Variants in ANKH observed in about 807,000 individuals in gnomAD.
ANKH encodes the protein mineralization regulator ANKH.
A neutral mutation model predicts 49.0 loss-of-function variants in ANKH; 15 were observed. The ratio of observed to expected loss-of-function variants is 0.31; its 90% CI spans 0.20 to 0.47. ANKH has a LOEUF of 0.47. Ranked by LOEUF, ANKH falls within the 20% of genes least tolerant of loss-of-function variation. The pLI is 1.00. For missense variants in ANKH, 429 were observed against 652.0 expected (o/e 0.66, Z 3.72); for synonymous variants, 273 against 260.0 (o/e 1.05, Z -0.48).
chr5:14,758,457 A>C, intron 3 of ANKH, 23 bp downstream of exon 3: 4 of 1,570,958 alleles, frequency 2.5e-6, no homozygotes, highest in Non-Finnish European at 3.5e-6. Context: ...AAAGAAAGAA[A>C]GCCAACGATC....
At chr5:14,831,867 T>A (rs182361589) in intron 1 of ANKH, among the ~76,000 whole-genome samples, 88 of 152,332 alleles carry the variant, frequency 5.8e-4, no homozygotes, top group African/African-American at 1.9e-3. Context: ...ATGAATCTTT[T>A]TCATCACCAA....
At chr5:14,716,915 C>T in intron 8 of ANKH, 80 bp from the exon 9 acceptor site, 1 of 1,573,784 alleles carries the variant, frequency 6.4e-7, no homozygotes, top group Non-Finnish European at 8.7e-7. Context: ...TGGCACAATC[C>T]TTGGAGAGTT....
intron 1 of ANKH, among the ~76,000 whole-genome samples, chr5:14,836,690 T>C (rs906838390): frequency 6.6e-6 from 1 of 152,138 alleles, no homozygotes; most frequent in African/African-American, 2.4e-5. Flanking sequence ...ATGGCCATAC[T>C]GCCCAAGGTA....
Position 14,737,173 on chromosome 5 carries a change from A to C in ANKH, c.1011+4654T>G, listed in dbSNP as rs1410046020. Reference sequence around the variant, plus strand: ...TTAGCAGCCCGATGGGCTGGCTTTCACCACTTGGCCTGGCATGCAGGAATA... The same window carrying C: ...TTAGCAGCCCGATGGGCTGGCTTTCCCCACTTGGCCTGGCATGCAGGAATA... On this transcript the variant is annotated intron_variant, in intron 8 of 11. Transcript: ENST00000284268. This position sits in a 1 kb window ranked among gnomAD's most constrained non-coding sequence, Gnocchi z 5.0. Among the ~76,000 whole-genome samples, 1 of 152,154 alleles carries C rather than the reference A, an allele frequency of 6.6e-6. No homozygotes were observed. The highest frequency in any genetic ancestry group is 6.5e-5 in the Admixed American group (1 of 15,282).
intron 1 of ANKH, among the ~76,000 whole-genome samples, chr5:14,799,535 A>C (rs567126815): frequency 4.6e-5 from 7 of 152,210 alleles, no homozygotes; most frequent in Non-Finnish European, 7.3e-5. Flanking sequence ...CAGGTGGCGA[A>C]CTTAAGCTGA....
intron 1 of ANKH, among the ~76,000 whole-genome samples, chr5:14,792,924 C>T (rs1740214688): frequency 6.9e-6 from 1 of 144,234 alleles, no homozygotes; most frequent in South Asian, 2.2e-4. Flanking sequence ...TTGCAGTGAG[C>T]CGAGATTATG....
chr5:14,775,527 G>C lies in ANKH; in HGVS notation c.97-6336C>G, dbSNP rs1422372762. Among the ~76,000 whole-genome samples, 8 of 152,264 alleles carry C rather than the reference G, an allele frequency of 5.3e-5. No homozygotes were observed. The East Asian group carries it at 1.2e-3, about 22-fold the overall frequency. The stretch of plus-strand genomic sequence containing the variant: ...TGCAGACGTGAACCCATGGATAAGG[G>C]GGCCTACTATGTGCCAATGGCTGGA... On this transcript the variant is annotated intron_variant, in intron 1 of 11. Coordinates refer to ENST00000284268, the MANE Select transcript of ANKH (RefSeq NM_054027.6).
chr5:14,797,527 C>T (rs1580076278), intron 1 of ANKH: 1 of 1,611,182 alleles, frequency 6.2e-7, no homozygotes, highest in East Asian at 2.2e-5. Flanking sequence ...TCAGCTGATC[C>T]TGTGGCAAGA....
chr5:14,830,048 T>C (rs897983766), intron 1 of ANKH, among the ~76,000 whole-genome samples: 3 of 152,198 alleles, frequency 2.0e-5, no homozygotes, highest in Admixed American at 1.3e-4. Flanking sequence ...GAGGCATGAA[T>C]TGATGTGAAG....
chr5:14,798,285 G>T, intron 1 of ANKH: 7 of 1,602,574 alleles, frequency 4.4e-6, no homozygotes, highest in Non-Finnish European at 6.0e-6. Context: ...CCACTCCAGA[G>T]CATGGGTCAT....
At chr5:14,721,415 G>A (rs1287400555) in intron 8 of ANKH, among the ~76,000 whole-genome samples, 3 of 152,190 alleles carry the variant, frequency 2.0e-5, no homozygotes, top group African/African-American at 7.2e-5. Context: ...GAAGCGGTTA[G>A]TCTGATCTGG....
At chr5:14,746,102 A>T (rs1738528264) in intron 6 of ANKH, 140 bp from the exon 7 acceptor site, 1 of 733,100 alleles carries the variant, frequency 1.4e-6, no homozygotes, top group Non-Finnish European at 2.4e-6. Context: ...ACATCAGGCA[A>T]GCACAGGACG....
rs534862480 is a variant in ANKH at position 14,706,526 on chromosome 5, G to A, written c.*4671C>T. The A allele has an allele frequency of 1.2e-4, 18 of 152,178 alleles. No homozygotes were observed. The highest frequency in any genetic ancestry group is 2.9e-4 in the African/African-American group (12 of 41,520). The allele number at this position is 152,178 out of a possible 1,614,324, so 9.4% of individuals were successfully genotyped here. On this transcript the variant is annotated 3_prime_UTR_variant, in exon 12 of 12. Coordinates refer to ENST00000284268, the MANE Select transcript of ANKH (RefSeq NM_054027.6). ...TCTAAACTTAAGGTCTTATCATCTCGTTTTTCCCTTTTGAGATCAGATAGT... is the reference window on the plus strand; with the variant it reads ...TCTAAACTTAAGGTCTTATCATCTCATTTTTCCCTTTTGAGATCAGATAGT...
intron 1 of ANKH, among the ~76,000 whole-genome samples, chr5:14,822,150 A>C (rs992576842): frequency 6.6e-6 from 1 of 152,250 alleles, no homozygotes; most frequent in African/African-American, 2.4e-5. Flanking sequence ...GCATTTGAAA[A>C]GTGCTAGTCT....
chr5:14,802,547 A>G (rs1740595399), intron 1 of ANKH, among the ~76,000 whole-genome samples: 1 of 151,880 alleles, frequency 6.6e-6, no homozygotes, highest in Non-Finnish European at 1.5e-5. Flanking sequence ...TCTCCTCCAC[A>G]GCTTCCCATC....
intron 1 of ANKH, among the ~76,000 whole-genome samples, chr5:14,781,446 A>T (rs1432671639): frequency 6.6e-6 from 1 of 152,190 alleles, no homozygotes; most frequent in African/African-American, 2.4e-5. Context: ...CCTGGAGAGG[A>T]GCTTCCATTA....
At chr5:14,825,552 T>C (rs1741315575) in intron 1 of ANKH, among the ~76,000 whole-genome samples, 1 of 152,108 alleles carries the variant, frequency 6.6e-6, no homozygotes, top group Non-Finnish European at 1.5e-5. Flanking sequence ...AGGATCTCAC[T>C]ATGTTGCCCA....
intron 8 of ANKH, among the ~76,000 whole-genome samples, chr5:14,726,587 A>C (rs114028622): frequency 0.068 from 10,333 of 151,944 alleles, 362 homozygotes; most frequent in Non-Finnish European, 0.095. Context: ...GGCGTGGCTG[A>C]CCTGTCCTCA....
chr5:14,811,412 T>C lies in ANKH; in HGVS notation c.97-42221A>G, dbSNP rs560990420. Among the ~76,000 whole-genome samples the C allele has an allele frequency of 1.7e-3, 263 of 152,290 alleles. 1 individual carries two copies. Among genetic ancestry groups the C allele is most frequent in the African/African-American group, 6.0e-3 (249 of 41,564 alleles). Reference sequence around the variant, plus strand: ...CACACGAAGCCTCCATGTGCAACTGTACGACGTCAGTGGGAGGCAGGATTG... The same window carrying C: ...CACACGAAGCCTCCATGTGCAACTGCACGACGTCAGTGGGAGGCAGGATTG... On this transcript the variant is annotated intron_variant, in intron 1 of 11. Transcript: ENST00000284268.
Sources: allele counts gnomAD v4.1 joint callset (sites outside exome capture counted in the v4.1 genomes callset), GRCh38; gene constraint gnomAD v4.1.1; non-coding constraint Gnocchi (gnomAD v3.1); transcripts MANE v1.5; gene names NCBI Gene and HGNC (gene_info 2026-07-23, HGNC 2026-07-21).